Variants in BEND6 observed in about 807,000 individuals in gnomAD.
BEND6 encodes BEN domain containing 6, also known as BEN domain-containing protein 6.
In BEND6, 24 loss-of-function variants were observed where a neutral mutation model predicts 31.8. That is an observed-to-expected ratio of 0.75 (90% CI 0.55 to 1.06). The LOEUF (loss-of-function observed/expected upper bound fraction) is 1.06, where lower values mean the gene tolerates loss of function less well. Among genes scored for constraint, BEND6 ranks in the 50% least tolerant of loss-of-function variants. The pLI is 0.00. For missense variants in BEND6, 294 were observed against 327.4 expected (o/e 0.90, Z 0.79); for synonymous variants, 109 against 114.6 (o/e 0.95, Z 0.31).
chr6:56,976,260 A>C (rs1206823442), intron 1 of BEND6, among the ~76,000 whole-genome samples: 2 of 147,926 alleles, frequency 1.4e-5, no homozygotes, highest in Admixed American at 6.8e-5. Flanking sequence ...CAGTGGCGCG[A>C]TCTCGACTCA....
At chr6:57,007,650 C>A (rs897816558) in intron 3 of BEND6, among the ~76,000 whole-genome samples, 1 of 151,732 alleles carries the variant, frequency 6.6e-6, no homozygotes, top group Admixed American at 6.6e-5. Context: ...TTTTAATGAG[C>A]TGGGTATGGT....
chr6:57,009,338 C>T (rs1827268835), intron 3 of BEND6: 1 of 152,100 alleles, frequency 6.6e-6, no homozygotes, highest in South Asian at 2.1e-4. Flanking sequence ...ATGCTAATTA[C>T]CCTGATCTGA....
At chr6:57,018,666 C>T (rs1827645339) in intron 6 of BEND6, 109 bp downstream of exon 6, 1 of 1,130,324 alleles carries the variant, frequency 8.8e-7, no homozygotes, top group East Asian at 3.2e-5. Flanking sequence ...ATACTAGTGA[C>T]CCATGAAAAG....
At position 56,990,553 on chromosome 6, in the gene BEND6, C is replaced by T. The variant is rs187972254; in HGVS notation, c.121-1825C>T. 2.0e-4 allele frequency among the ~76,000 whole-genome samples: 31 copies of T among 152,132 alleles called. No homozygotes were observed. The East Asian group carries it at 4.4e-3, about 22-fold the overall frequency. On this transcript the variant is annotated intron_variant, in intron 2 of 6. Transcript: ENST00000370746. ...TGAGCCACCATACCCGACCTCAGGCCACTCTCTTCTATTTCTTGGTCATAT... is the reference window on the plus strand; with the variant it reads ...TGAGCCACCATACCCGACCTCAGGCTACTCTCTTCTATTTCTTGGTCATAT...
intron 3 of BEND6, chr6:57,004,681 A>G (rs1477332209): frequency 7.2e-6 from 11 of 1,519,434 alleles, no homozygotes; most frequent in Non-Finnish European, 9.9e-6. Flanking sequence ...AAAAAATGTG[A>G]ATCAGTCACT....
intron 3 of BEND6, among the ~76,000 whole-genome samples, chr6:57,007,159 C>T (rs1391561270): frequency 1.3e-5 from 2 of 151,900 alleles, no homozygotes; most frequent in Non-Finnish European, 1.5e-5. Context: ...TGTGGTGGCA[C>T]GCACCTGTGG....
At chr6:56,994,813 A>G (rs1050600018) in intron 3 of BEND6, among the ~76,000 whole-genome samples, 8 of 152,192 alleles carry the variant, frequency 5.3e-5, no homozygotes, top group African/African-American at 1.9e-4. Flanking sequence ...AATTTTAAAT[A>G]AAGAGTGCCA....
chr6:57,000,771 C>T (rs1826905723), intron 3 of BEND6, among the ~76,000 whole-genome samples: 1 of 151,280 alleles, frequency 6.6e-6, no homozygotes, highest in Non-Finnish European at 1.5e-5. Context: ...TGTCTGAGGC[C>T]ATACCCACTT....
At chr6:56,973,516 T>C (rs1230378775) in intron 1 of BEND6, among the ~76,000 whole-genome samples, 6 of 152,178 alleles carry the variant, frequency 3.9e-5, no homozygotes, top group Non-Finnish European at 1.5e-5. Flanking sequence ...CAATAACTAA[T>C]AGTAATATAA....
At chr6:56,976,300 A>G (rs1163005898) in intron 1 of BEND6, among the ~76,000 whole-genome samples, 4 of 148,932 alleles carry the variant, frequency 2.7e-5, no homozygotes, top group African/African-American at 9.9e-5. Context: ...GGTTCACGCC[A>G]TTCTCCTTCC....
chr6:56,999,670 G>C (rs1401326511), intron 3 of BEND6, among the ~76,000 whole-genome samples: 1 of 152,218 alleles, frequency 6.6e-6, no homozygotes, highest in African/African-American at 2.4e-5. Flanking sequence ...GCTAAGCAGA[G>C]AGCACAGACC....
chr6:56,975,726 G>A (rs1175927803), intron 1 of BEND6: 8 of 481,702 alleles, frequency 1.7e-5, no homozygotes, highest in Admixed American at 1.4e-4. Flanking sequence ...GGGATATTTT[G>A]TGCATTCAAT....
At chr6:56,981,060 C>A (rs1219351583) in intron 1 of BEND6, among the ~76,000 whole-genome samples, 1 of 152,106 alleles carries the variant, frequency 6.6e-6, no homozygotes, top group Non-Finnish European at 1.5e-5. Flanking sequence ...GCAATCCTCC[C>A]ACCTCGGCCT....
chr6:56,961,890 G>C (rs1362663260), intron 1 of BEND6, among the ~76,000 whole-genome samples: 1 of 152,178 alleles, frequency 6.6e-6, no homozygotes, highest in Non-Finnish European at 1.5e-5. Context: ...CAGCTGTTCA[G>C]CTTCACCTAC....
chr6:56,972,086 C>CTTTT (rs35524907), intron 1 of BEND6, among the ~76,000 whole-genome samples: 41 of 62,548 alleles, frequency 6.6e-4, no homozygotes, highest in African/African-American at 9.0e-4. Flanking sequence ...ACTTTACTTT[C>CTTTT]TTTTTTTTTT....
intron 3 of BEND6, among the ~76,000 whole-genome samples, chr6:57,012,777 C>T (rs1827391203): frequency 1.3e-5 from 2 of 152,082 alleles, no homozygotes; most frequent in Admixed American, 1.3e-4. Flanking sequence ...TGATGTATGC[C>T]AATGAACATG....
In BEND6 at chr6:57,027,173, G is replaced by A. The variant is rs1042750922; in HGVS notation, c.*1101G>A. ...GTGCACAAAGTCATGTTTAAACTTG[G>A]AAAAGAGGATGCTACAGTAGTTTCA... On this transcript the variant is annotated 3_prime_UTR_variant, in exon 7 of 7. Transcript: ENST00000370746. The A allele has an allele frequency of 2.0e-5, 3 of 152,306 alleles. No individual in the cohort carries two copies. Among genetic ancestry groups the A allele is most frequent in the Admixed American group, 1.3e-4 (2 of 15,296 alleles). The allele number at this position is 152,306 out of a possible 1,614,324, so 9.4% of individuals were successfully genotyped here. A position where few individuals can be genotyped will look rare whatever the true frequency, so the allele number is the denominator to read the frequency against.
intron 2 of BEND6, among the ~76,000 whole-genome samples, chr6:56,983,153 CA>C (rs1239334992): frequency 1.3e-5 from 2 of 152,102 alleles, no homozygotes; most frequent in African/African-American, 4.8e-5. Context: ...GATTTTCAAT[CA>C]GCACTGTTTT....
intron 1 of BEND6, among the ~76,000 whole-genome samples, chr6:56,970,716 A>G (rs1825662797): frequency 6.6e-6 from 1 of 152,154 alleles, no homozygotes; most frequent in African/African-American, 2.4e-5. Context: ...ACATTGAATC[A>G]CCTGTTTATG....
Sources: allele counts gnomAD v4.1 joint callset (sites outside exome capture counted in the v4.1 genomes callset), GRCh38; gene constraint gnomAD v4.1.1; transcripts MANE v1.5; gene names NCBI Gene and HGNC (gene_info 2026-07-23, HGNC 2026-07-21).